Variants in PRSS50 observed in about 807,000 individuals in gnomAD.
PRSS50 encodes the protein serine protease 50, also known as probable threonine protease PRSS50.
A neutral mutation model predicts 34.2 loss-of-function variants in PRSS50; 23 were observed. That is an observed-to-expected ratio of 0.67 (90% confidence interval 0.48 to 0.95). PRSS50 has a LOEUF of 0.95. PRSS50 is among the 40% of genes least tolerant of loss of function. The pLI, the probability that PRSS50 is intolerant of heterozygous loss-of-function variation, is 0.00. For synonymous variants in PRSS50, 224 were observed against 211.2 expected (o/e 1.06, Z -0.53); for missense variants, 484 against 513.4 (o/e 0.94, Z 0.55).
Position 46,717,644 on chromosome 3 carries a change from A to T in PRSS50, c.107-7T>A. ...TCCCCTGCGCCCCAGCAACCTGCGG[A>T]GGACGTCGAGCGGATTAGAGGTGGA... On this transcript the variant is annotated splice_region_variant and splice_polypyrimidine_tract_variant and intron_variant, in intron 1 of 5. Coordinates refer to ENST00000315170, the MANE Select transcript of PRSS50 (RefSeq NM_013270.5). This position sits in a 1 kb window ranked among gnomAD's most constrained non-coding sequence, Gnocchi z 4.5. The T allele has an allele frequency of 6.2e-7, 1 of 1,611,806 alleles. No homozygotes were observed. Among genetic ancestry groups the T allele is most frequent in the Non-Finnish European group, 8.5e-7 (1 of 1,179,104 alleles).
chr3:46,714,333 C>G lies in PRSS50; in HGVS notation c.639G>C (p.Lys213Asn). The G allele has an allele frequency of 6.2e-7, 1 of 1,614,096 alleles. No homozygotes were observed. The highest frequency in any genetic ancestry group is 2.2e-5 in the East Asian group (1 of 44,886). ...QANDIGLLKL[K>N]QELKYSNYVR... ...CGTAATTGCTGTACTTGAGTTCCTG[C>G]TTGAGCTTGAGGAGGCCGATGTCGT... Residue 213 changes from lysine (K) to asparagine (N), a missense_variant, in exon 4 of 6, where the codon AAG (lysine) becomes AAC (asparagine). Coordinates refer to ENST00000315170, the MANE Select transcript of PRSS50 (RefSeq NM_013270.5).
Position 46,713,027 on chromosome 3 carries a change from G to A in PRSS50, c.795C>T (p.Val265=). The A allele has an allele frequency of 6.2e-7, 1 of 1,614,180 alleles. No homozygotes were observed. The highest frequency in any genetic ancestry group is 1.6e-4 in the Middle Eastern group (1 of 6,062). ...CACACTCTTTGTTGTTCAGGATGATGACTTCCTTCTCCTGAATGGTCCGGA... is the reference window on the plus strand; with the variant it reads ...CACACTCTTTGTTGTTCAGGATGATAACTTCCTTCTCCTGAATGGTCCGGA... ...PQFRTIQEKE[V]IILNNKECDN... is the part of the protein sequence containing the mutation. The change falls in exon 5 of 6, where the codon GTC becomes GTT. Residue 265 remains valine (V), a synonymous_variant. Coordinates refer to ENST00000315170, the MANE Select transcript of PRSS50 (RefSeq NM_013270.5).
intron 4 of PRSS50, 30 bp from the exon 5 acceptor site, chr3:46,713,097 C>T (rs1295621717): frequency 6.2e-7 from 1 of 1,609,366 alleles, no homozygotes; most frequent in Non-Finnish European, 8.5e-7. Context: ...TTAGGCGCAG[C>T]CACTCACCGC....
intron 4 of PRSS50, 93 bp downstream of exon 4, chr3:46,714,125 T>G (rs928812146): frequency 3.4e-6 from 5 of 1,470,684 alleles, no homozygotes; most frequent in East Asian, 2.4e-5. Flanking sequence ...CTGGGGAAGG[T>G]GCCTCAGAAA....
rs773868905 is a variant in PRSS50, at chr3:46,717,777, CGTCCGGGGGCGCTGCCCGCGCGCGACG to C, written c.21_47del (p.Val8_Thr16del). ...GGGCACCGGCGCGGGAGGGGGCAGA[CGTCCGGGGGCGCTGCCCGCGCGCGACG>C]GTCTGGCACCAGCGACCCATCCCGG... On this transcript the variant is annotated inframe_deletion, in exon 1 of 6. Coordinates refer to ENST00000315170, the MANE Select transcript of PRSS50 (RefSeq NM_013270.5). This position sits in a 1 kb window ranked among gnomAD's most constrained non-coding sequence, Gnocchi z 4.5. The C allele has an allele frequency of 2.2e-5, 35 of 1,565,608 alleles. No individual in the cohort carries two copies. Among genetic ancestry groups the C allele is most frequent in the Non-Finnish European group, 2.9e-5 (33 of 1,156,982 alleles).
rs1349572204 is a variant in PRSS50, at chr3:46,717,631, C to T, written c.113G>A (p.Trp38Ter). 1 of 1,612,736 alleles carries T rather than the reference C, an allele frequency of 6.2e-7. No individual in the cohort carries two copies. Among genetic ancestry groups the T allele is most frequent in the East Asian group, 2.2e-5 (1 of 44,832 alleles). The change falls in exon 2 of 6, where the codon TGG becomes TAG. Residue 38 changes from tryptophan (W) to a stop codon, truncating the protein, a stop_gained. Coordinates refer to ENST00000315170, the MANE Select transcript of PRSS50 (RefSeq NM_013270.5). LOFTEE classifies it high-confidence loss of function. The surrounding 1 kb of genome is among the most constrained non-coding windows in gnomAD (Gnocchi z 4.5). ...LLLLLRSAGC[W>*]GAGEAPGALS... ...CGCCCCCGGGGCTTCCCCTGCGCCC[C>T]AGCAACCTGCGGAGGACGTCGAGCG...
rs1356326360 is a variant in PRSS50, at chr3:46,716,778, T to G, written c.307+659A>C. Among the ~76,000 whole-genome samples the G allele has an allele frequency of 6.6e-6, 1 of 152,208 alleles. No individual in the cohort carries two copies. Among genetic ancestry groups the G allele is most frequent in the Non-Finnish European group, 1.5e-5 (1 of 68,046 alleles). On this transcript the variant is annotated intron_variant, in intron 2 of 5. Coordinates refer to ENST00000315170, the MANE Select transcript of PRSS50 (RefSeq NM_013270.5). The surrounding 1 kb of genome is among the most constrained non-coding windows in gnomAD (Gnocchi z 4.4). ...CATCTCAGGAGTCCCATTCCTAGTGTTTTCCAAATGGATTCGTGGATTGTA... is the reference window on the plus strand; with the variant it reads ...CATCTCAGGAGTCCCATTCCTAGTGGTTTCCAAATGGATTCGTGGATTGTA...
In PRSS50 at chr3:46,714,245, T is replaced by C; in HGVS notation, c.727A>G (p.Thr243Ala). 6.2e-7 allele frequency: 1 copy of C among 1,614,066 alleles called. No homozygotes were observed. The highest frequency in any genetic ancestry group is 1.3e-5 in the African/African-American group (1 of 75,040). Residue 243 changes from threonine to alanine, a missense_variant, in exon 4 of 6, where the codon ACG (threonine) becomes GCG (alanine). Thr to Ala is a moderately conservative substitution (Grantham distance 58). Transcript: ENST00000315170. ...TCAGCCTTGGAAAGTCCCCAGCCCG[T>C]CACAGTGCAGCGGGAATGGTCCTTC... ...VLKDHSRCTV[T>A]GWGLSKADGM...
In PRSS50 at chr3:46,713,065, T is replaced by C. The variant is rs761903174; in HGVS notation, c.757A>G (p.Met253Val). 2 of 1,613,944 alleles carry C rather than the reference T, an allele frequency of 1.2e-6. No homozygotes were observed. The highest frequency in any genetic ancestry group is 4.5e-5 in the East Asian group (2 of 44,880). Residue 253 changes from methionine (M) to valine (V), a missense_variant and splice_region_variant, in exon 5 of 6, where the codon ATG (methionine) becomes GTG (valine). By Grantham distance (21) the Met-to-Val change is conservative. Coordinates refer to ENST00000315170, the MANE Select transcript of PRSS50 (RefSeq NM_013270.5). ...TGWGLSKADGMWPQFRTIQEK... is the reference protein window; with the variant it reads ...TGWGLSKADGVWPQFRTIQEK... Reference sequence around the variant, plus strand: ...TGAATGGTCCGGAACTGAGGCCACATGCCTGTGGGACAGGGCCCCATTTAG... The same window carrying C: ...TGAATGGTCCGGAACTGAGGCCACACGCCTGTGGGACAGGGCCCCATTTAG...
At position 46,714,255 on chromosome 3, in the gene PRSS50, G is replaced by C; in HGVS notation, c.717C>G (p.Arg239=). Residue 239 remains arginine (R), a synonymous_variant, in exon 4 of 6, where the codon CGC becomes CGG. Transcript: ENST00000315170. ...GTDYVLKDHS[R]CTVTGWGLSK... ...AAAGTCCCCAGCCCGTCACAGTGCA[G>C]CGGGAATGGTCCTTCAACACATAGT... is the stretch of plus-strand genomic sequence containing the variant. 6.2e-7 allele frequency: 1 copy of C among 1,614,152 alleles called. No individual in the cohort carries two copies. The highest frequency in any genetic ancestry group is 1.1e-5 in the South Asian group (1 of 91,088).
Position 46,715,641 on chromosome 3 carries a change from G to T in PRSS50, c.364C>A (p.Arg122=). The change falls in exon 3 of 6, where the codon CGG becomes AGG. Residue 122 remains arginine (R), a synonymous_variant. Coordinates refer to ENST00000315170, the MANE Select transcript of PRSS50 (RefSeq NM_013270.5). The surrounding 1 kb of genome is among the most constrained non-coding windows in gnomAD (Gnocchi z 5.2). ...ACGCTGACCATCCAGGGCCACCGCCGAGCCACGGCTTCTGGGTCCCTGAGG... is the reference window on the plus strand; with the variant it reads ...ACGCTGACCATCCAGGGCCACCGCCTAGCCACGGCTTCTGGGTCCCTGAGG... ...PTLRDPEAVA[R]RWPWMVSVRA... 6.2e-7 allele frequency: 1 copy of T among 1,612,144 alleles called. No individual in the cohort carries two copies.
chr3:46,715,660 C>T lies in PRSS50; in HGVS notation c.345G>A (p.Arg115=). The change falls in exon 3 of 6, where the codon AGG becomes AGA. Residue 115 remains arginine (R), a synonymous_variant. Transcript: ENST00000315170. The surrounding 1 kb of genome is among the most constrained non-coding windows in gnomAD (Gnocchi z 5.2). ...ACCGCCGAGCCACGGCTTCTGGGTCCCTGAGGGTGGGGTCCTGCTCGTAGG... is the reference window on the plus strand; with the variant it reads ...ACCGCCGAGCCACGGCTTCTGGGTCTCTGAGGGTGGGGTCCTGCTCGTAGG... The part of the protein sequence containing the change: ...GFSYEQDPTL[R]DPEAVARRWP... The T allele has an allele frequency of 6.2e-7, 1 of 1,610,632 alleles. No individual in the cohort carries two copies. The highest frequency in any genetic ancestry group is 8.5e-7 in the Non-Finnish European group (1 of 1,178,440).
intron 4 of PRSS50, among the ~76,000 whole-genome samples, chr3:46,713,380 C>T (rs1700643369): frequency 6.6e-6 from 1 of 152,222 alleles, no homozygotes; most frequent in South Asian, 2.1e-4. Context: ...CCTGCCAAGC[C>T]TTCCTTCTCT....
Position 46,712,429 on chromosome 3 carries a change from C to T in PRSS50, c.975G>A (p.Val325=). ...AGCCTGCACCCCAGCTCACCAATCC[C>T]ACCAGGTACCACGTGCCCTCCATGG... ...VCSMEGTWYL[V]GLVSWGAGCQ... Residue 325 remains valine (V), a synonymous_variant, in exon 6 of 6, where the codon GTG becomes GTA. Coordinates refer to ENST00000315170, the MANE Select transcript of PRSS50 (RefSeq NM_013270.5). 1.2e-6 allele frequency: 2 copies of T among 1,614,104 alleles called. No homozygotes were observed. Among genetic ancestry groups the T allele is most frequent in the Non-Finnish European group, 8.5e-7 (1 of 1,179,996 alleles).
rs761544968 is a variant in PRSS50, at chr3:46,712,447, C to T, written c.957G>A (p.Glu319=). Residue 319 remains glutamate (E), a synonymous_variant, in exon 6 of 6, where the codon GAG becomes GAA. Transcript: ENST00000315170. ...LTGEPLVCSM[E]GTWYLVGLVS... ...CCAATCCCACCAGGTACCACGTGCC[C>T]TCCATGGAGCAGACCAAGGGCTCTC... is the stretch of plus-strand genomic sequence containing the variant. The T allele has an allele frequency of 6.2e-7, 1 of 1,614,102 alleles. No homozygotes were observed. The highest frequency in any genetic ancestry group is 1.1e-5 in the South Asian group (1 of 91,082).
At position 46,715,124 on chromosome 3, in the gene PRSS50, T is replaced by A. The variant is rs184087693; in HGVS notation, c.470+411A>T. 3.7e-4 allele frequency among the ~76,000 whole-genome samples: 56 copies of A among 152,320 alleles called. No individual in the cohort carries two copies. Among genetic ancestry groups the A allele is most frequent in the African/African-American group, 1.1e-3 (47 of 41,566 alleles). The stretch of plus-strand genomic sequence containing the variant: ...CCAACAAGCTGGAAGGAATGATCCA[T>A]CCCTCCTCTGCCCCCAGTGTCCAGG... On this transcript the variant is annotated intron_variant, in intron 3 of 5. Coordinates refer to ENST00000315170, the MANE Select transcript of PRSS50 (RefSeq NM_013270.5). This position sits in a 1 kb window ranked among gnomAD's most constrained non-coding sequence, Gnocchi z 5.2.
At position 46,714,880 on chromosome 3, in the gene PRSS50, C is replaced by T. The variant is rs892103543; in HGVS notation, c.471-379G>A. On this transcript the variant is annotated intron_variant, in intron 3 of 5. Transcript: ENST00000315170. ...CTGTGCCCTGGAGGAGGCAATTCTA[C>T]TCCTTCCAGCTCCATGGAATGTGCC... is the stretch of plus-strand genomic sequence containing the variant. 2.6e-5 allele frequency among the ~76,000 whole-genome samples: 4 copies of T among 152,224 alleles called. 1 individual carries two copies. Among genetic ancestry groups the T allele is most frequent in the South Asian group, 4.1e-4 (2 of 4,828 alleles).
In PRSS50 at chr3:46,712,324, C is replaced by G. The variant is rs377029284; in HGVS notation, c.1080G>C (p.Gln360His). Residue 360 changes from glutamine (Q) to histidine (H), a missense_variant, in exon 6 of 6, where the codon CAG (glutamine) becomes CAC (histidine). Transcript: ENST00000315170. ...TGGATGGGGCTGGCAGGGCCAGGGC[C>G]TGCCCGTTGAGGCAGTCCCAGATCC... Reference protein sequence around the residue: ...QHWIWDCLNGQALALPAPSRT... With the variant: ...QHWIWDCLNGHALALPAPSRT... 14 of 1,613,354 alleles carry G rather than the reference C, an allele frequency of 8.7e-6. No homozygotes were observed. The African/African-American group carries it at 1.9e-4, about 22-fold the overall frequency.
rs894266396 is a variant in PRSS50, at chr3:46,717,612, C to T, written c.132G>A (p.Pro44=). 5.0e-6 allele frequency: 8 copies of T among 1,613,172 alleles called. No homozygotes were observed. Among genetic ancestry groups the T allele is most frequent in the Non-Finnish European group, 4.2e-6 (5 of 1,179,752 alleles). The change falls in exon 2 of 6, where the codon CCG becomes CCA. Residue 44 remains proline (P), a synonymous_variant. Transcript: ENST00000315170. This position sits in a 1 kb window ranked among gnomAD's most constrained non-coding sequence, Gnocchi z 4.5. ...CGGGATCAGCAGTGGACAGCGCCCC[C>T]GGGGCTTCCCCTGCGCCCCAGCAAC... is the stretch of plus-strand genomic sequence containing the variant. ...SAGCWGAGEA[P]GALSTADPAD...
Sources: gnomAD v4.1 joint callset for allele counts (sites outside exome capture counted in the v4.1 genomes callset) on GRCh38, gnomAD v4.1.1 for gene constraint, Gnocchi (gnomAD v3.1) non-coding constraint, MANE v1.5 for transcripts, NCBI Gene and HGNC (gene_info 2026-07-23, HGNC 2026-07-21) for gene names.